KIF1A: variants seen among roughly 807,000 people sequenced by gnomAD.
KIF1A encodes kinesin family member 1A.
In KIF1A, 46 loss-of-function variants were observed where a neutral mutation model predicts 227.3. The ratio of observed to expected loss-of-function variants is 0.20; its 90% CI spans 0.16 to 0.26. The LOEUF is 0.26. KIF1A is among the 10% of genes least tolerant of loss of function. The probability of loss-of-function intolerance (pLI) is 1.00; values close to 1 mark genes in which losing one functional copy is unlikely to be tolerated. For missense variants in KIF1A, 1,683 were observed against 2,485.9 expected, an observed-to-expected ratio of 0.68 and a Z score of 6.87; for synonymous variants, 1,022 against 1,012.8, an observed-to-expected ratio of 1.01 and a Z score of -0.17.
At chr2:240,734,777 AG>A (rs2047129054) in intron 38 of KIF1A, 1 of 1,303,760 alleles carries the variant, frequency 7.7e-7, no homozygotes, top group Non-Finnish European at 1.0e-6. Flanking sequence ...ACGGTTAGTG[AG>A]GGCCGGGCAG....
rs753658374 is a variant in KIF1A, at chr2:240,769,151, G to A, written c.1479C>T (p.Gly493=). 3.4e-5 allele frequency: 54 copies of A among 1,610,404 alleles called. No homozygotes were observed. The South Asian group carries it at 3.4e-4, about 10-fold the overall frequency. The change falls in exon 17 of 49, where the codon GGC becomes GGT. Residue 493 remains glycine, a synonymous_variant. Coordinates refer to ENST00000498729, the MANE Select transcript of KIF1A (RefSeq NM_001244008.2). ...CTCCTACCTTTTTGGGAGAGAATACGCCCAAGGTGCCGCCATCCTCCCTCA... is the reference window on the plus strand; with the variant it reads ...CTCCTACCTTTTTGGGAGAGAATACACCCAAGGTGCCGCCATCCTCCCTCA... ...VAMREDGGTL[G]VFSPKKTPHL... is the part of the protein sequence containing the mutation.
chr2:240,796,575 A>G (rs2056422171), intron 2 of KIF1A, among the ~76,000 whole-genome samples: 1 of 152,146 alleles, frequency 6.6e-6, no homozygotes, highest in East Asian at 1.9e-4. Flanking sequence ...AACCAAACAG[A>G]CAAAACAATT....
intron 25 of KIF1A, among the ~76,000 whole-genome samples, chr2:240,759,144 AGTGT>A (rs35848053): frequency 0.59 from 87,092 of 148,636 alleles, 25,239 homozygotes; most frequent in East Asian, 0.68. Context: ...AATGCTTATG[AGTGT>A]GTGTGTGTGT....
intron 1 of KIF1A, among the ~76,000 whole-genome samples, chr2:240,812,957 G>GGA (rs2058038982): frequency 2.8e-3 from 374 of 133,566 alleles, no homozygotes; most frequent in African/African-American, 9.7e-3. Context: ...TTCACCTCAA[G>GGA]GATCCACCTT....
chr2:240,766,857 G>A lies in KIF1A; in HGVS notation c.1684+58C>T. On this transcript the variant is annotated intron_variant, in intron 19 of 48. Transcript: ENST00000498729. The surrounding 1 kb of genome is among the most constrained non-coding windows in gnomAD (Gnocchi z 5.0). ...GCTGGGAGAGGGTGACCTCATTCAG[G>A]CCTGATCATCACGGCACAGGGGCAT... 1 of 1,247,136 alleles carries A rather than the reference G, an allele frequency of 8.0e-7. No individual in the cohort carries two copies. Among genetic ancestry groups the A allele is most frequent in the South Asian group, 1.3e-5 (1 of 76,382 alleles). The allele number at this position is 1,247,136 out of a possible 1,614,324, so 77.3% of individuals were successfully genotyped here. A position where few individuals can be genotyped will look rare whatever the true frequency, so the allele number is the denominator to read the frequency against.
chr2:240,773,343 C>A, intron 12 of KIF1A, 87 bp from the exon 13 acceptor site: 2 of 1,539,850 alleles, frequency 1.3e-6, no homozygotes, highest in Non-Finnish European at 1.8e-6. Context: ...TGCCCAAGAC[C>A]CAGCCTTTTG....
intron 27 of KIF1A, 77 bp from the exon 28 acceptor site, chr2:240,750,624 T>A: frequency 9.5e-7 from 1 of 1,058,136 alleles, no homozygotes; most frequent in Non-Finnish European, 1.4e-6. Flanking sequence ...CAGCATGGCC[T>A]GGCTCACGAC....
chr2:240,800,782 A>G (rs1207168893), intron 1 of KIF1A, among the ~76,000 whole-genome samples: 1 of 152,248 alleles, frequency 6.6e-6, no homozygotes, highest in Non-Finnish European at 1.5e-5. Flanking sequence ...GGGAAGGAAC[A>G]AAGATTTGAG....
chr2:240,803,831 C>A (rs2057175520), intron 1 of KIF1A, among the ~76,000 whole-genome samples: 1 of 152,208 alleles, frequency 6.6e-6, no homozygotes, highest in East Asian at 1.9e-4. Flanking sequence ...TTGTTCTACA[C>A]TGTGCTCATA....
chr2:240,718,186 TG>T lies in KIF1A; in HGVS notation c.5215-19del, dbSNP rs1255871073. The T allele has an allele frequency of 6.4e-7, 1 of 1,550,956 alleles. No homozygotes were observed. The highest frequency in any genetic ancestry group is 1.8e-5 in the Admixed American group (1 of 55,040). On this transcript the variant is annotated intron_variant, in intron 47 of 48. Coordinates refer to ENST00000498729, the MANE Select transcript of KIF1A (RefSeq NM_001244008.2). ...TTGGGTGTCTGCAGAGGGAGGCAGC[TG>T]GTGAGGAGGTGCCAGGCTCCGTGGT...
intron 48 of KIF1A, among the ~76,000 whole-genome samples, chr2:240,717,644 T>C (rs1230765145): frequency 6.6e-6 from 1 of 152,166 alleles, no homozygotes; most frequent in Non-Finnish European, 1.5e-5. Flanking sequence ...ACCAGCTCCT[T>C]CCGCAGCCTG....
At chr2:240,742,809 T>C (rs1247072814) in intron 34 of KIF1A, 120 bp downstream of exon 34, 5 of 897,032 alleles carry the variant, frequency 5.6e-6, no homozygotes, top group Admixed American at 2.1e-5. Flanking sequence ...GGCGCCAGAG[T>C]GCCTGGGAGG....
Position 240,718,042 on chromosome 2 carries a change from G to C in KIF1A, c.5333+8C>G. On this transcript the variant is annotated splice_region_variant and intron_variant, in intron 48 of 48. Coordinates refer to ENST00000498729, the MANE Select transcript of KIF1A (RefSeq NM_001244008.2). The stretch of plus-strand genomic sequence containing the variant: ...ATGGCAGCAACCTCGCCCTGCAGGC[G>C]GCCCTACCGTATGGTCCCGGCCAGG... 6.3e-7 allele frequency: 1 copy of C among 1,585,622 alleles called. No homozygotes were observed. The highest frequency in any genetic ancestry group is 8.6e-7 in the Non-Finnish European group (1 of 1,161,046).
chr2:240,781,441 A>ACAGCTC (rs1319477835), intron 10 of KIF1A, among the ~76,000 whole-genome samples: 1 of 59,482 alleles, frequency 1.7e-5, no homozygotes, highest in Admixed American at 1.3e-4. Context: ...CCACACACAC[A>ACAGCTC]CACACACACA....
At chr2:240,817,889 G>A (rs1254938285) in intron 1 of KIF1A, among the ~76,000 whole-genome samples, 1 of 152,242 alleles carries the variant, frequency 6.6e-6, no homozygotes, top group Non-Finnish European at 1.5e-5. Flanking sequence ...AGGACTGCGG[G>A]GCACAGGCTG....
rs2047425280 is a variant in KIF1A, at chr2:240,737,156, T to C, written c.3914A>G (p.Asn1305Ser). The C allele has an allele frequency of 6.2e-7, 1 of 1,613,442 alleles. No individual in the cohort carries two copies. Among genetic ancestry groups the C allele is most frequent in the Non-Finnish European group, 8.5e-7 (1 of 1,179,524 alleles). The stretch of plus-strand genomic sequence containing the variant: ...CAGGGACTCGTCGGTCTCTGGAGTG[T>C]TTCGGATGCGGCCTGCAGAAAAGGC... The part of the protein sequence containing the change: ...VRELVVGRIR[N>S]TPETDESLID... The change falls in exon 38 of 49, where the codon AAC (asparagine) becomes AGC (serine). Residue 1305 changes from asparagine to serine, a missense_variant. Coordinates refer to ENST00000498729, the MANE Select transcript of KIF1A (RefSeq NM_001244008.2).
chr2:240,774,047 A>T (rs1263326260), intron 12 of KIF1A, 136 bp downstream of exon 12: 8 of 505,710 alleles, frequency 1.6e-5, no homozygotes, highest in Non-Finnish European at 2.5e-5. Flanking sequence ...AGTCTCTTCC[A>T]GCCTCACAGA....
rs773646878 is a variant in KIF1A at position 240,787,264 on chromosome 2, G to A, written c.416C>T (p.Ser139Phe). Residue 139 changes from serine to phenylalanine, a missense_variant, in exon 5 of 49, where the codon TCC (serine) becomes TTC (phenylalanine). Ser to Phe is a radical substitution (Grantham distance 155, BLOSUM62 -2). This residue lies in a region of KIF1A where 75 missense variants were observed against 131.2 expected (regional missense o/e 0.57). Coordinates refer to ENST00000498729, the MANE Select transcript of KIF1A (RefSeq NM_001244008.2). ...GGGGAGCCCTACCTCCACGGAGTAG[G>A]ACATGTTGTCGTTGGTCGTGTCGTT... is the stretch of plus-strand genomic sequence containing the variant. ...RINDTTNDNM[S>F]YSVEVSYMEI... 6.2e-7 allele frequency: 1 copy of A among 1,613,126 alleles called. No homozygotes were observed. The highest frequency in any genetic ancestry group is 8.5e-7 in the Non-Finnish European group (1 of 1,179,552).
chr2:240,811,961 T>C (rs912093193), intron 1 of KIF1A, among the ~76,000 whole-genome samples: 1 of 151,222 alleles, frequency 6.6e-6, no homozygotes, highest in East Asian at 2.0e-4. Context: ...GCCATCCATG[T>C]GGGTATGTGG....
Sources: gnomAD v4.1 joint callset for allele counts (sites outside exome capture counted in the v4.1 genomes callset) on GRCh38, gnomAD v4.1.1 for gene constraint, gnomAD v4.1.1 regional missense constraint, Gnocchi (gnomAD v3.1) non-coding constraint, MANE v1.5 for transcripts, NCBI Gene and HGNC (gene_info 2026-07-23, HGNC 2026-07-21) for gene names.